Variants in AGBL1 observed in about 807,000 individuals in gnomAD.
The protein encoded by AGBL1 is cytosolic carboxypeptidase 4.
A neutral mutation model predicts 118.9 loss-of-function variants in AGBL1; 130 were observed. The ratio of observed to expected loss-of-function variants is 1.09; its 90% CI spans 0.95 to 1.26. AGBL1 has a LOEUF of 1.26. AGBL1 is among the 50% of genes most tolerant of loss of function. AGBL1 has a pLI of 0.00. For synonymous variants in AGBL1, 555 were observed against 478.9 expected (o/e 1.16, Z -2.08); for missense variants, 1,584 against 1,298.1 (o/e 1.22, Z -3.38).
intron 1 of AGBL1, among the ~76,000 whole-genome samples, chr15:86,130,322 T>A (rs559917373): frequency 1.8e-4 from 28 of 152,276 alleles, no homozygotes; most frequent in Admixed American, 1.0e-3. Context: ...TCTTTTTTTT[T>A]AAATTTTATT....
chr15:86,100,892 T>C (rs1359160223), intron 1 of AGBL1, among the ~76,000 whole-genome samples: 1 of 152,134 alleles, frequency 6.6e-6, no homozygotes, highest in Non-Finnish European at 1.5e-5. Flanking sequence ...TCTTTATTAG[T>C]CATTTCCTTC....
intron 22 of AGBL1, among the ~76,000 whole-genome samples, chr15:86,735,194 G>T (rs538015550): frequency 6.6e-6 from 1 of 152,012 alleles, no homozygotes; most frequent in African/African-American, 2.4e-5. Context: ...AGATTCTCCT[G>T]CCTCAACTTC....
chr15:86,836,387 A>G (rs184402291), intron 22 of AGBL1, among the ~76,000 whole-genome samples: 6 of 152,318 alleles, frequency 3.9e-5, no homozygotes, highest in Admixed American at 3.9e-4. Flanking sequence ...CAGAGGTATT[A>G]GCGTACCAAT....
At chr15:86,608,336 A>AG (rs879807716) in intron 21 of AGBL1, among the ~76,000 whole-genome samples, 1 of 152,194 alleles carries the variant, frequency 6.6e-6, no homozygotes, top group Non-Finnish European at 1.5e-5. Flanking sequence ...AGCAGAGAAG[A>AG]GGGACTGCTC....
chr15:86,091,557 T>C (rs769686300), intron 1 of AGBL1, among the ~76,000 whole-genome samples: 1 of 152,118 alleles, frequency 6.6e-6, no homozygotes, highest in Non-Finnish European at 1.5e-5. Context: ...AGGCAGTGAG[T>C]CATAAGTTTT....
At chr15:86,260,886 G>T (rs78851945) in intron 9 of AGBL1, among the ~76,000 whole-genome samples, 2,291 of 152,286 alleles carry the variant, frequency 0.015, 65 homozygotes, top group African/African-American at 0.051. Flanking sequence ...GCCACCTCCA[G>T]ATAAGAATAA....
chr15:86,452,535 C>A lies in AGBL1; in HGVS notation c.2555+54989C>A, dbSNP rs1274386532. 2.6e-5 allele frequency among the ~76,000 whole-genome samples: 4 copies of A among 152,190 alleles called. No homozygotes were observed. The South Asian group carries it at 6.2e-4, about 24-fold the overall frequency. ...CTTTATCACCTGTCCTTAGCACATGCTTAGCTAGTGTAGAAGCTCAGGGAT... is the reference window on the plus strand; with the variant it reads ...CTTTATCACCTGTCCTTAGCACATGATTAGCTAGTGTAGAAGCTCAGGGAT... On this transcript the variant is annotated intron_variant, in intron 18 of 22. Transcript: ENST00000614907.
Position 86,914,073 on chromosome 15 carries a change from G to A in AGBL1, c.*6779G>A, listed in dbSNP as rs986660046. 11 of 152,198 alleles carry A rather than the reference G, an allele frequency of 7.2e-5. No homozygotes were observed. Among genetic ancestry groups the A allele is most frequent in the African/African-American group, 2.7e-4 (11 of 41,444 alleles). 9.4% of individuals were successfully genotyped at this position (152,198 alleles called of 1,614,324 possible). A position where few individuals can be genotyped will look rare whatever the true frequency, so the allele number is the denominator to read the frequency against. On this transcript the variant is annotated 3_prime_UTR_variant, in exon 23 of 23. Transcript: ENST00000614907. ...TATTCAGTTAAAGTGTCTGAGTGTA[G>A]CCCTGGTCTTGAAGGGCAGGGCAAG...
chr15:86,265,946 C>T (rs1424362315), intron 11 of AGBL1, among the ~76,000 whole-genome samples: 4 of 152,180 alleles, frequency 2.6e-5, no homozygotes, highest in African/African-American at 9.7e-5. Context: ...ATAAATTGCA[C>T]AAGGGTACAC....
intron 22 of AGBL1, among the ~76,000 whole-genome samples, chr15:86,686,442 G>GATT (rs1555438031): frequency 7.9e-6 from 1 of 127,126 alleles, no homozygotes; most frequent in Non-Finnish European, 1.6e-5. Flanking sequence ...CATATTCTAA[G>GATT]TTTTTTTTTT....
intron 5 of AGBL1, among the ~76,000 whole-genome samples, chr15:86,203,582 C>G (rs1290037710): frequency 3.3e-5 from 5 of 152,204 alleles, no homozygotes; most frequent in African/African-American, 1.2e-4. Context: ...TTGACTCCTA[C>G]TTGGACTTCA....
chr15:86,082,943 G>A (rs1895383882), intron 1 of AGBL1, among the ~76,000 whole-genome samples: 2 of 152,326 alleles, frequency 1.3e-5, no homozygotes, highest in South Asian at 2.1e-4. Flanking sequence ...CCTTATGAAA[G>A]TCCCTCGACC....
At chr15:86,832,115 G>T (rs2079113131) in intron 22 of AGBL1, among the ~76,000 whole-genome samples, 1 of 152,182 alleles carries the variant, frequency 6.6e-6, no homozygotes, top group Non-Finnish European at 1.5e-5. Context: ...GTCCGAGACT[G>T]CACAAAGCAG....
intron 24 of AGBL1, among the ~76,000 whole-genome samples, chr15:87,013,145 T>G (rs2081577719): frequency 1.3e-5 from 2 of 152,214 alleles, no homozygotes; most frequent in African/African-American, 4.8e-5. Context: ...CTCAGGGCAC[T>G]CTTGGAAATT....
chr15:86,806,339 G>A (rs1474807864), intron 22 of AGBL1, among the ~76,000 whole-genome samples: 2 of 152,070 alleles, frequency 1.3e-5, no homozygotes, highest in Non-Finnish European at 2.9e-5. Flanking sequence ...ATTAAGCAGA[G>A]GAAATATGAC....
chr15:86,978,068 T>C (rs1024046435), intron 23 of AGBL1, among the ~76,000 whole-genome samples: 1 of 152,204 alleles, frequency 6.6e-6, no homozygotes, highest in Non-Finnish European at 1.5e-5. Flanking sequence ...TTTAAACTAA[T>C]GCTTACTTTT....
At chr15:86,630,674 C>G (rs556248365) in intron 21 of AGBL1, 1 of 152,366 alleles carries the variant, frequency 6.6e-6, no homozygotes, top group East Asian at 1.9e-4. Flanking sequence ...TTCAATTTAA[C>G]CTTCTGTCTT....
At chr15:86,947,809 T>C (rs1233643778) in intron 23 of AGBL1, among the ~76,000 whole-genome samples, 1 of 152,238 alleles carries the variant, frequency 6.6e-6, no homozygotes, top group East Asian at 1.9e-4. Context: ...GTGATTAGTA[T>C]ATAAAATAAT....
chr15:86,580,785 A>G (rs548637592), intron 21 of AGBL1, among the ~76,000 whole-genome samples: 651 of 152,310 alleles, frequency 4.3e-3, no homozygotes, highest in African/African-American at 0.012. Context: ...CTATAGTGCT[A>G]TGGAACACTA....
Sources: allele counts gnomAD v4.1 joint callset (sites outside exome capture counted in the v4.1 genomes callset), GRCh38; gene constraint gnomAD v4.1.1; transcripts MANE v1.5; gene names NCBI Gene and HGNC (gene_info 2026-07-23, HGNC 2026-07-21).